Variants in BBS12 observed in about 807,000 individuals in gnomAD.
BBS12 encodes chaperonin-containing T-complex member BBS12.
In BBS12, 5 loss-of-function variants were observed where a neutral mutation model predicts 5.6. The ratio of observed to expected loss-of-function variants is 0.89; its 90% confidence interval spans 0.46 to 1.86. The LOEUF is 1.86. Ranked by LOEUF, BBS12 falls within the 40% of genes most tolerant of loss-of-function variation. The pLI is 0.01. For synonymous variants in BBS12, 308 were observed against 306.8 expected, an observed-to-expected ratio of 1.00 and a Z score of -0.04; for missense variants, 748 against 830.4, an observed-to-expected ratio of 0.90 and a Z score of 1.22.
In BBS12 at chr4:122,742,457, C is replaced by A. The variant is rs1800894320; in HGVS notation, c.565C>A (p.Leu189Ile). ...VASQTLTISN[L>I]SGRPLKSYEL... ...CTCTCAAACACTGACCATTTCCAAC[C>A]TTTCTGGGAGACCTCTTAAATCATA... Residue 189 changes from leucine (L) to isoleucine (I), a missense_variant, in exon 2 of 2, where the codon CTT becomes ATT. Physicochemically the swap from Leu to Ile is conservative, Grantham distance 5. Transcript: ENST00000314218. 1 of 1,614,046 alleles carries A rather than the reference C, an allele frequency of 6.2e-7. No homozygotes were observed. Among genetic ancestry groups the A allele is most frequent in the Non-Finnish European group, 8.5e-7 (1 of 1,180,030 alleles).
At position 122,743,357 on chromosome 4, in the gene BBS12, G is replaced by T. The variant is rs145489987; in HGVS notation, c.1465G>T (p.Ala489Ser). 1.2e-6 allele frequency: 2 copies of T among 1,614,024 alleles called. No homozygotes were observed. The highest frequency in any genetic ancestry group is 1.7e-5 in the Admixed American group (1 of 59,990). The change falls in exon 2 of 2, where the codon GCA becomes TCA. Residue 489 changes from alanine to serine, a missense_variant. Transcript: ENST00000314218. The part of the protein sequence containing the change: ...LDVVDRNNRI[A>S]ILLKTEGINL... ...TGTTGTAGATAGGAACAACAGAATCGCAATCTTATTAAAAACAGAAGGAAT... is the reference window on the plus strand; with the variant it reads ...TGTTGTAGATAGGAACAACAGAATCTCAATCTTATTAAAAACAGAAGGAAT...
chr4:122,714,566 G>A, the BBS12 span, among the ~76,000 whole-genome samples: 1 of 151,918 alleles, frequency 6.6e-6, no homozygotes, highest in South Asian at 2.1e-4. Context: ...CATCACATGA[G>A]GTCAGGAGTT....
Position 122,743,288 on chromosome 4 carries a change from G to C in BBS12, c.1396G>C (p.Gly466Arg). The change falls in exon 2 of 2, where the codon GGC (glycine) becomes CGC (arginine). Residue 466 changes from glycine to arginine, a missense_variant. By Grantham distance (125) the Gly-to-Arg change is moderately radical. Coordinates refer to ENST00000314218, the MANE Select transcript of BBS12 (RefSeq NM_152618.3). ...TACACAAGTGAATGAAGATTGTGTG[G>C]GCGACGGGGTCTGCGTGACCTTCTG... is the stretch of plus-strand genomic sequence containing the variant. ...YITQVNEDCV[G>R]DGVCVTFWRS... 1 of 1,614,240 alleles carries C rather than the reference G, an allele frequency of 6.2e-7. No homozygotes were observed. The highest frequency in any genetic ancestry group is 2.2e-5 in the East Asian group (1 of 44,894).
At chr4:122,731,411 CAT>C (rs1800694708), upstream of BBS12, 1 of 152,132 alleles carries the variant, frequency 6.6e-6, no homozygotes, top group African/African-American at 2.4e-5. Context: ...ACCCTGAAAA[CAT>C]ATTTAATCTT....
At chr4:122,700,684 A>C in the BBS12 span, among the ~76,000 whole-genome samples, 1 of 152,186 alleles carries the variant, frequency 6.6e-6, no homozygotes, top group Non-Finnish European at 1.5e-5. Context: ...AGGATGTCCA[A>C]ATTGGTGTTG....
rs1361555889 is a variant in BBS12, at chr4:122,743,627, T to G, written c.1735T>G (p.Ser579Ala). Residue 579 changes from serine to alanine, a missense_variant, in exon 2 of 2, where the codon TCT (serine) becomes GCT (alanine). Physicochemically the swap from Ser to Ala is moderately conservative, Grantham distance 99. Coordinates refer to ENST00000314218, the MANE Select transcript of BBS12 (RefSeq NM_152618.3). ...TAATACTTCCTCTTGGCTGGCTTCA[T>G]CTCTGGCAATATACAGACCAACTGT... ...LHNTSSWLAS[S>A]LAIYRPTVLK... 2 of 1,614,082 alleles carry G rather than the reference T, an allele frequency of 1.2e-6. No homozygotes were observed. Among genetic ancestry groups the G allele is most frequent in the African/African-American group, 2.7e-5 (2 of 74,936 alleles).
chr4:122,738,618 A>G (rs1297122373), intron 1 of BBS12, among the ~76,000 whole-genome samples: 4 of 152,220 alleles, frequency 2.6e-5, no homozygotes, highest in Admixed American at 6.5e-5. Context: ...ATAGTTTGAT[A>G]AGGATCTAGT....
chr4:122,705,680 T>C, the BBS12 span, among the ~76,000 whole-genome samples: 1 of 152,258 alleles, frequency 6.6e-6, no homozygotes, highest in Admixed American at 6.5e-5. Context: ...ACTCTCATTT[T>C]GTAGAACTCT....
At chr4:122,734,054 A>G (rs1221005875) in intron 1 of BBS12, 1 of 152,092 alleles carries the variant, frequency 6.6e-6, no homozygotes, top group Non-Finnish European at 1.5e-5. Context: ...AAGTATTGTA[A>G]TCATTGATAA....
rs1172237427 is a variant in BBS12 at position 122,732,799 on chromosome 4, T to C, written c.-96T>C. 2 of 152,292 alleles carry C rather than the reference T, an allele frequency of 1.3e-5. No individual in the cohort carries two copies. Among genetic ancestry groups the C allele is most frequent in the East Asian group, 1.9e-4 (1 of 5,188 alleles). 9.4% of individuals were successfully genotyped at this position (152,292 alleles called of 1,614,324 possible). On this transcript the variant is annotated 5_prime_UTR_variant, in exon 1 of 2. Transcript: ENST00000314218. ...CTGGGCTCCCTAGCCCTGGCGTTTT[T>C]GGTGTTGCTGTCCCAGCCAGAATCG...
At chr4:122,731,584 C>G (rs745874476), upstream of BBS12, 1 of 152,114 alleles carries the variant, frequency 6.6e-6, no homozygotes, top group African/African-American at 2.4e-5. Flanking sequence ...AAAAAAAAAT[C>G]TTCAAAACTA....
chr4:122,711,641 T>A, the BBS12 span, among the ~76,000 whole-genome samples: 1 of 152,350 alleles, frequency 6.6e-6, no homozygotes, highest in East Asian at 1.9e-4. Flanking sequence ...AAATCCTGAA[T>A]GCTGAATTCT....
chr4:122,741,789 A>T lies in BBS12; in HGVS notation c.-10-94A>T, dbSNP rs1385305475. ...TTTTCATGGAAATTATATGTACCTC[A>T]AAAGCAGGGAGCATATCTTGTTTTT... is the stretch of plus-strand genomic sequence containing the variant. On this transcript the variant is annotated intron_variant, in intron 1 of 1. Coordinates refer to ENST00000314218, the MANE Select transcript of BBS12 (RefSeq NM_152618.3). The T allele has an allele frequency of 4.7e-6, 5 of 1,055,436 alleles. No homozygotes were observed. In the East Asian group the frequency reaches 1.0e-4, roughly 22 times the overall value. 65.4% of individuals were successfully genotyped at this position (1,055,436 alleles called of 1,614,324 possible).
the BBS12 span, among the ~76,000 whole-genome samples, chr4:122,713,007 A>G: frequency 3.6e-4 from 55 of 152,194 alleles, no homozygotes; most frequent in Non-Finnish European, 6.9e-4. Flanking sequence ...TCTCATTGAA[A>G]CATGCAGGTT....
upstream of BBS12, among the ~76,000 whole-genome samples, chr4:122,727,954 G>A (rs1800645412): frequency 1.3e-5 from 2 of 152,140 alleles, no homozygotes; most frequent in African/African-American, 4.8e-5. Flanking sequence ...AACACTCAAT[G>A]CCTCTCATAA....
chr4:122,741,706 A>G (rs1438502332), intron 1 of BBS12, among the ~76,000 whole-genome samples, 177 bp from the exon 2 acceptor site: 1 of 151,956 alleles, frequency 6.6e-6, no homozygotes, highest in Non-Finnish European at 1.5e-5. Context: ...TTTCTCTTCC[A>G]TTCCCCCATA....
rs1478883091 is a variant in BBS12, at chr4:122,744,165, A to G, written c.*140A>G. ...AGTTGATGTCTGTCAATAACTGTGC[A>G]TGGTCTGAGATTTTACCCTACTTAT... On this transcript the variant is annotated 3_prime_UTR_variant, in exon 2 of 2. Transcript: ENST00000314218. 1.2e-6 allele frequency: 1 copy of G among 866,322 alleles called. No homozygotes were observed. The highest frequency in any genetic ancestry group is 1.8e-6 in the Non-Finnish European group (1 of 549,930). The allele number at this position is 866,322 out of a possible 1,614,324, so 53.7% of individuals were successfully genotyped here. A position where few individuals can be genotyped will look rare whatever the true frequency, so the allele number is the denominator to read the frequency against.
the BBS12 span, among the ~76,000 whole-genome samples, chr4:122,707,160 TCA>T: frequency 6.7e-6 from 1 of 150,112 alleles, no homozygotes; most frequent in South Asian, 2.2e-4. Flanking sequence ...GTGGCTTATC[TCA>T]CAGTTTTAAA....
chr4:122,743,415 T>C lies in BBS12; in HGVS notation c.1523T>C (p.Val508Ala). The change falls in exon 2 of 2, where the codon GTT (valine) becomes GCT (alanine). Residue 508 changes from valine to alanine, a missense_variant. Coordinates refer to ENST00000314218, the MANE Select transcript of BBS12 (RefSeq NM_152618.3). The stretch of plus-strand genomic sequence containing the variant: ...GTTACGGCCGTGCTCACTAACCCAG[T>C]TACTGCACAGATGCAAATCAAAGAA... ...NLVTAVLTNP[V>A]TAQMQIKEDR... 1.2e-6 allele frequency: 2 copies of C among 1,614,230 alleles called. No individual in the cohort carries two copies. Among genetic ancestry groups the C allele is most frequent in the Non-Finnish European group, 1.7e-6 (2 of 1,180,038 alleles).
Sources: allele counts gnomAD v4.1 joint callset (sites outside exome capture counted in the v4.1 genomes callset), GRCh38; gene constraint gnomAD v4.1.1; transcripts MANE v1.5; gene names NCBI Gene and HGNC (gene_info 2026-07-23, HGNC 2026-07-21).